The following WDHD1 variants were observed in gnomAD, a reference collection of about 807,000 sequenced individuals.
WDHD1 encodes WD repeat and HMG-box DNA-binding protein 1.
WDHD1 carries 111 observed loss-of-function variants against 135.4 expected under a neutral mutation model. The ratio of observed to expected loss-of-function variants is 0.82; its 90% confidence interval spans 0.70 to 0.96. The LOEUF (loss-of-function observed/expected upper bound fraction) is 0.96, where lower values mean the gene tolerates loss of function less well. Ranked by LOEUF, WDHD1 falls within the 40% of genes least tolerant of loss-of-function variation. The probability of loss-of-function intolerance (pLI) is 0.00; values close to 1 mark genes in which losing one functional copy is unlikely to be tolerated. For synonymous variants in WDHD1, 434 were observed against 439.0 expected (o/e 0.99, Z 0.14); for missense variants, 1,351 against 1,336.3 (o/e 1.01, Z -0.17).
Position 54,942,091 on chromosome 14 carries a change from A to G in WDHD1, c.3190-401T>C, listed in dbSNP as rs149721600. Among the ~76,000 whole-genome samples, 1,345 of 152,062 alleles carry G rather than the reference A, an allele frequency of 8.8e-3. 20 individuals are homozygous for G. The highest frequency in any genetic ancestry group is 0.031 in the African/African-American group (1,282 of 41,462). On this transcript the variant is annotated intron_variant, in intron 25 of 25. Transcript: ENST00000360586. ...CAGTGAAACCCCGTCTCTACTAAAAATACAAAAAAATTAGCCGGGCATGGT... is the reference window on the plus strand; with the variant it reads ...CAGTGAAACCCCGTCTCTACTAAAAGTACAAAAAAATTAGCCGGGCATGGT...
intron 21 of WDHD1, among the ~76,000 whole-genome samples, chr14:54,960,602 C>A (rs974224003): frequency 1.3e-5 from 2 of 149,960 alleles, no homozygotes; most frequent in Non-Finnish European, 3.0e-5. Flanking sequence ...TGGATTCAAG[C>A]AATTCTCCTG....
chr14:54,977,534 T>C (rs2041544723), intron 16 of WDHD1, among the ~76,000 whole-genome samples: 1 of 152,160 alleles, frequency 6.6e-6, no homozygotes. Flanking sequence ...TGTGTCTCAA[T>C]AAAGAAATAT....
At chr14:54,953,873 CA>C (rs1555365965) in intron 24 of WDHD1, among the ~76,000 whole-genome samples, 1 of 151,910 alleles carries the variant, frequency 6.6e-6, no homozygotes, top group African/African-American at 2.4e-5. Flanking sequence ...ATCTCAAGGA[CA>C]AAAAACCAAA....
In WDHD1 at chr14:55,008,546, T is replaced by C. The variant is rs1595117550; in HGVS notation, c.453+62A>G. On this transcript the variant is annotated intron_variant, in intron 5 of 25. Transcript: ENST00000360586. Reference sequence around the variant, plus strand: ...AGCAGAAAATTTTTTAGAGAGTTAGTAGGAAATATATTTTTAAACATATTC... The same window carrying C: ...AGCAGAAAATTTTTTAGAGAGTTAGCAGGAAATATATTTTTAAACATATTC... 3.3e-6 allele frequency: 5 copies of C among 1,500,882 alleles called. No homozygotes were observed. The East Asian group carries it at 9.1e-5, about 27-fold the overall frequency. The allele number at this position is 1,500,882 out of a possible 1,614,324, so 93.0% of individuals were successfully genotyped here.
At chr14:55,014,575 G>A (rs941441776) in intron 2 of WDHD1, among the ~76,000 whole-genome samples, 7 of 152,116 alleles carry the variant, frequency 4.6e-5, no homozygotes, top group African/African-American at 1.2e-4. Flanking sequence ...CTATCCAAAC[G>A]TGTTTCAAAT....
At chr14:54,971,635 A>G (rs2041434071) in intron 16 of WDHD1, among the ~76,000 whole-genome samples, 1 of 151,156 alleles carries the variant, frequency 6.6e-6, no homozygotes, top group South Asian at 2.1e-4. Flanking sequence ...CTGAGCCCAG[A>G]AAGTCGAGGC....
intron 2 of WDHD1, among the ~76,000 whole-genome samples, chr14:55,014,769 T>A (rs1396671785): frequency 2.0e-5 from 3 of 151,996 alleles, no homozygotes; most frequent in African/African-American, 7.3e-5. Context: ...GAGCTGTGGA[T>A]GTTCAAAAGA....
At chr14:54,968,098 C>G (rs2041374794) in intron 16 of WDHD1, among the ~76,000 whole-genome samples, 1 of 152,154 alleles carries the variant, frequency 6.6e-6, no homozygotes. Context: ...ACTCTAAGGT[C>G]AACCACATGC....
chr14:55,005,008 T>C, intron 7 of WDHD1: 1 of 544,966 alleles, frequency 1.8e-6, no homozygotes, highest in East Asian at 4.7e-5. Context: ...GCTGGAGTAG[T>C]CCATTCACCC....
chr14:54,996,031 G>C (rs926751603), intron 10 of WDHD1, among the ~76,000 whole-genome samples: 3 of 152,122 alleles, frequency 2.0e-5, no homozygotes, highest in Admixed American at 6.5e-5. Flanking sequence ...TCTGGGGATG[G>C]GATGGGAGTA....
rs1227013584 is a variant in WDHD1 at position 54,966,400 on chromosome 14, GCA to G, written c.2310+73_2310+74del. On this transcript the variant is annotated intron_variant, in intron 18 of 25. Transcript: ENST00000360586. ...TTAGGTTGTGGGACTTAGTCCTAAT[GCA>G]CAGACCTTTAAGAAATTCAACCTAT... 2.0e-6 allele frequency: 3 copies of G among 1,502,968 alleles called. No homozygotes were observed. The East Asian group carries it at 6.9e-5, about 35-fold the overall frequency. 93.1% of individuals were successfully genotyped at this position (1,502,968 alleles called of 1,614,324 possible).
At chr14:54,972,164 A>G (rs1017101183) in intron 16 of WDHD1, among the ~76,000 whole-genome samples, 3 of 151,596 alleles carry the variant, frequency 2.0e-5, no homozygotes, top group African/African-American at 7.3e-5. Context: ...AGTCCCAGCT[A>G]CTCAGGAGGC....
chr14:54,953,608 A>T (rs376937332), intron 24 of WDHD1, among the ~76,000 whole-genome samples: 3 of 152,336 alleles, frequency 2.0e-5, no homozygotes, highest in Admixed American at 1.3e-4. Context: ...TTGACCCAGC[A>T]ATCCCATTAC....
chr14:54,967,824 T>A (rs530117753), intron 16 of WDHD1, among the ~76,000 whole-genome samples: 5 of 152,150 alleles, frequency 3.3e-5, no homozygotes, highest in Non-Finnish European at 5.9e-5. Flanking sequence ...TTTTGCCATG[T>A]TGCCCAGGCT....
At chr14:55,009,156 G>A (rs1180895911) in intron 4 of WDHD1, among the ~76,000 whole-genome samples, 1 of 152,062 alleles carries the variant, frequency 6.6e-6, no homozygotes, top group African/African-American at 2.4e-5. Flanking sequence ...CAAATTTAAT[G>A]GCTTACCTTT....
intron 6 of WDHD1, 21 bp from the exon 7 acceptor site, chr14:55,007,396 A>G (rs2042092049): frequency 1.3e-6 from 2 of 1,530,068 alleles, no homozygotes; most frequent in African/African-American, 2.8e-5. Flanking sequence ...AAAAAAGAAA[A>G]TTTCTTTCCT....
intron 16 of WDHD1, among the ~76,000 whole-genome samples, chr14:54,968,192 T>C (rs923457567): frequency 6.6e-6 from 1 of 152,000 alleles, no homozygotes; most frequent in Non-Finnish European, 1.5e-5. Flanking sequence ...AAAATAAAAA[T>C]AGAAATCAAT....
intron 16 of WDHD1, among the ~76,000 whole-genome samples, chr14:54,980,887 GA>G (rs2140189158): frequency 6.6e-6 from 1 of 150,716 alleles, no homozygotes; most frequent in Admixed American, 6.6e-5. Flanking sequence ...GAGGCAGGCA[GA>G]TCACAAGGTC....
Position 54,987,479 on chromosome 14 carries a change from C to A in WDHD1, c.1527-92G>T, listed in dbSNP as rs114858242. On this transcript the variant is annotated intron_variant, in intron 13 of 25. Transcript: ENST00000360586. ...GCAATCATGATATTCAACAAAAAAA[C>A]CAAATAGTTTACTTCCTATTATACA... The A allele has an allele frequency of 1.4e-3, 1,712 of 1,200,382 alleles. 30 individuals are homozygous for A. In the African/African-American group the frequency reaches 0.024, roughly 17 times the overall value. 74.4% of individuals were successfully genotyped at this position (1,200,382 alleles called of 1,614,324 possible). A position where few individuals can be genotyped will look rare whatever the true frequency, so the allele number is the denominator to read the frequency against.
Sources: gnomAD v4.1 joint callset for allele counts (sites outside exome capture counted in the v4.1 genomes callset) on GRCh38, gnomAD v4.1.1 for gene constraint, MANE v1.5 for transcripts, NCBI Gene and HGNC (gene_info 2026-07-23, HGNC 2026-07-21) for gene names.